Variants in SLC39A11 observed in about 807,000 individuals in gnomAD.
The protein encoded by SLC39A11 is zinc transporter ZIP11.
In SLC39A11, 33 loss-of-function variants were observed where a neutral mutation model predicts 36.1. The observed-to-expected ratio is 0.91, with a 90% confidence interval of 0.69 to 1.22. The LOEUF (loss-of-function observed/expected upper bound fraction) is 1.22, where lower values mean the gene tolerates loss of function less well. SLC39A11 is among the 50% of genes most tolerant of loss of function. The pLI, the probability that SLC39A11 is intolerant of heterozygous loss-of-function variation, is 0.00. For missense variants in SLC39A11, 432 were observed against 430.3 expected, an observed-to-expected ratio of 1.00 and a Z score of -0.03; for synonymous variants, 166 against 170.3, an observed-to-expected ratio of 0.97 and a Z score of 0.20.
At chr17:73,018,158 A>T (rs927159921) in intron 4 of SLC39A11, among the ~76,000 whole-genome samples, 7 of 152,226 alleles carry the variant, frequency 4.6e-5, no homozygotes, top group Non-Finnish European at 5.9e-5. Flanking sequence ...CCAGTAAATT[A>T]TCTGCCTGTC....
chr17:72,888,444 T>G (rs1230576344), intron 5 of SLC39A11, among the ~76,000 whole-genome samples: 3 of 152,180 alleles, frequency 2.0e-5, no homozygotes, highest in Non-Finnish European at 4.4e-5. Flanking sequence ...TAGTGGTTGA[T>G]TGTCAACAGT....
chr17:72,904,903 G>A (rs1186235069), intron 5 of SLC39A11, among the ~76,000 whole-genome samples: 1 of 152,152 alleles, frequency 6.6e-6, no homozygotes, highest in Admixed American at 6.5e-5. Flanking sequence ...GCTGGGCACA[G>A]TGGCTCACGC....
intron 7 of SLC39A11, among the ~76,000 whole-genome samples, chr17:72,649,644 CTTTTTTTT>C (rs5821920): frequency 2.2e-5 from 3 of 138,200 alleles, no homozygotes; most frequent in Non-Finnish European, 4.6e-5. Flanking sequence ...TTTTCTTTTT[CTTTTTTTT>C]TTTTTTTGAG....
At chr17:72,801,396 T>C (rs1048270789) in intron 6 of SLC39A11, among the ~76,000 whole-genome samples, 5 of 152,194 alleles carry the variant, frequency 3.3e-5, no homozygotes, top group Non-Finnish European at 7.3e-5. Flanking sequence ...AACTTTTGTA[T>C]TTTTTGTTTT....
intron 5 of SLC39A11, among the ~76,000 whole-genome samples, chr17:72,925,087 G>A (rs964786302): frequency 1.3e-5 from 2 of 152,010 alleles, no homozygotes; most frequent in African/African-American, 4.8e-5. Context: ...AAGGCAGGTG[G>A]GCCTCTCATG....
At chr17:73,088,586 A>G (rs746888281) in intron 2 of SLC39A11, 71 bp downstream of exon 2, 147 of 1,237,254 alleles carry the variant, frequency 1.2e-4, no homozygotes, top group Non-Finnish European at 1.7e-4. Flanking sequence ...AACCTGCTCC[A>G]TGGAGTGGGA....
Position 72,726,592 on chromosome 17 carries a change from C to T in SLC39A11, c.671+10058G>A, listed in dbSNP as rs148407567. Among the ~76,000 whole-genome samples the T allele has an allele frequency of 3.2e-4, 48 of 152,266 alleles. No homozygotes were observed. In the East Asian group the frequency reaches 6.9e-3, roughly 22 times the overall value. ...CTTGGACAGGTAGACACACATGTAA[C>T]GTATCTTACACATACAGACATGCTC... is the stretch of plus-strand genomic sequence containing the variant. On this transcript the variant is annotated intron_variant, in intron 7 of 9. Coordinates refer to ENST00000255559, the MANE Select transcript of SLC39A11 (RefSeq NM_139177.4).
In SLC39A11 at chr17:72,774,885, C is replaced by T. The variant is rs146707607; in HGVS notation, c.602-38166G>A. Among the ~76,000 whole-genome samples, 392 of 152,140 alleles carry T rather than the reference C, an allele frequency of 2.6e-3. 1 individual carries two copies. Among genetic ancestry groups the T allele is most frequent in the African/African-American group, 8.2e-3 (339 of 41,496 alleles). On this transcript the variant is annotated intron_variant, in intron 6 of 9. Coordinates refer to ENST00000255559, the MANE Select transcript of SLC39A11 (RefSeq NM_139177.4). ...CCCTTTAGTCTAGGATGACTTGGAG[C>T]GCAGAGAATACCAGCTCCTTATTCC...
intron 6 of SLC39A11, among the ~76,000 whole-genome samples, chr17:72,785,959 C>CA (rs35534404): frequency 0.16 from 23,702 of 152,130 alleles, 2,354 homozygotes; most frequent in African/African-American, 0.28. Context: ...TTTGATTGGC[C>CA]AAGCCCACCC....
At chr17:72,900,162 AAAGAAAGAAAG>A (rs2082292554) in intron 5 of SLC39A11, among the ~76,000 whole-genome samples, 1 of 59,702 alleles carries the variant, frequency 1.7e-5, no homozygotes, top group Non-Finnish European at 4.6e-5. Context: ...GAAAAGAAAG[AAAGAAAGAAAG>A]AAAGAAAGAA....
intron 7 of SLC39A11, among the ~76,000 whole-genome samples, chr17:72,727,425 G>A (rs553722096): frequency 5.3e-5 from 8 of 151,820 alleles, no homozygotes; most frequent in South Asian, 2.1e-4. Flanking sequence ...AGGCCGAGGC[G>A]GGTGGATCAC....
chr17:72,953,642 G>A (rs757652771), intron 4 of SLC39A11, among the ~76,000 whole-genome samples: 3 of 152,108 alleles, frequency 2.0e-5, no homozygotes, highest in Middle Eastern at 3.2e-3. Flanking sequence ...AGTCTACAAG[G>A]GCGAACTAAG....
At chr17:72,995,628 T>C (rs2089459406) in intron 4 of SLC39A11, among the ~76,000 whole-genome samples, 2 of 152,160 alleles carry the variant, frequency 1.3e-5, no homozygotes, top group African/African-American at 4.8e-5. Flanking sequence ...ATGAATTCAC[T>C]CTCTCTCGGC....
chr17:73,001,710 G>A (rs2089834196), intron 4 of SLC39A11, among the ~76,000 whole-genome samples: 1 of 152,206 alleles, frequency 6.6e-6, no homozygotes, highest in East Asian at 1.9e-4. Flanking sequence ...ATGAGTTCAA[G>A]CCATACAAGT....
chr17:73,066,429 C>T (rs1161247719), intron 3 of SLC39A11, among the ~76,000 whole-genome samples: 3 of 152,244 alleles, frequency 2.0e-5, no homozygotes, highest in Non-Finnish European at 4.4e-5. Flanking sequence ...TCTAACCATA[C>T]TCCACATTTA....
intron 7 of SLC39A11, among the ~76,000 whole-genome samples, chr17:72,735,988 C>A (rs1040628489): frequency 1.3e-5 from 2 of 152,128 alleles, no homozygotes; most frequent in African/African-American, 2.4e-5. Flanking sequence ...TGACAGGGAA[C>A]CCTGGAGGAG....
At position 73,088,804 on chromosome 17, in the gene SLC39A11, A is replaced by G. The variant is rs778493557; in HGVS notation, c.-11-29T>C. 6.6e-6 allele frequency: 10 copies of G among 1,516,816 alleles called. No individual in the cohort carries two copies. In the South Asian group the frequency reaches 1.1e-4, roughly 16 times the overall value. 94.0% of individuals were successfully genotyped at this position (1,516,816 alleles called of 1,614,324 possible). A position where few individuals can be genotyped will look rare whatever the true frequency, so the allele number is the denominator to read the frequency against. On this transcript the variant is annotated intron_variant, in intron 1 of 9. Transcript: ENST00000255559. Reference sequence around the variant, plus strand: ...TGCAAGAGGAGCGAGAGGGTCAGCCACCGGTGGTCCGTTTCAGTGACAGGC... The same window carrying G: ...TGCAAGAGGAGCGAGAGGGTCAGCCGCCGGTGGTCCGTTTCAGTGACAGGC...
chr17:72,746,981 AG>A (rs2074962841), intron 6 of SLC39A11, among the ~76,000 whole-genome samples: 1 of 151,756 alleles, frequency 6.6e-6, no homozygotes, highest in Non-Finnish European at 1.5e-5. Flanking sequence ...CAAGAGGTCA[AG>A]GCTGCAGTGA....
intron 7 of SLC39A11, among the ~76,000 whole-genome samples, chr17:72,711,346 T>C (rs2073097646): frequency 1.3e-5 from 2 of 152,170 alleles, no homozygotes; most frequent in South Asian, 4.1e-4. Context: ...GGACAGGTCC[T>C]TAAAGGGGGG....
Sources: gnomAD v4.1 joint callset for allele counts (sites outside exome capture counted in the v4.1 genomes callset) on GRCh38, gnomAD v4.1.1 for gene constraint, MANE v1.5 for transcripts, NCBI Gene and HGNC (gene_info 2026-07-23, HGNC 2026-07-21) for gene names.